Variants in RNGTT observed in about 807,000 individuals in gnomAD.
RNGTT encodes mRNA-capping enzyme.
In RNGTT, 33 loss-of-function variants were observed where a neutral mutation model predicts 79.3. The observed-to-expected ratio is 0.42, with a 90% confidence interval of 0.32 to 0.56. The LOEUF (loss-of-function observed/expected upper bound fraction) is 0.56. RNGTT is among the 20% of genes least tolerant of loss of function. The pLI is 0.17. For synonymous variants in RNGTT, 222 were observed against 235.9 expected (o/e 0.94, Z 0.54); for missense variants, 497 against 739.1 (o/e 0.67, Z 3.80).
intron 10 of RNGTT, among the ~76,000 whole-genome samples, chr6:88,848,425 T>A (rs1210034507): frequency 6.6e-6 from 1 of 150,598 alleles, no homozygotes; most frequent in Non-Finnish European, 1.5e-5. Flanking sequence ...AATTGTTCAA[T>A]ATAGTAGTAA....
intron 2 of RNGTT, among the ~76,000 whole-genome samples, chr6:88,929,941 T>C (rs1010030610): frequency 3.3e-5 from 5 of 149,848 alleles, no homozygotes; most frequent in Non-Finnish European, 7.4e-5. Context: ...TGTATACATA[T>C]GCATATACAC....
chr6:88,661,750 A>G (rs535096788), intron 14 of RNGTT, among the ~76,000 whole-genome samples: 2 of 152,190 alleles, frequency 1.3e-5, no homozygotes, highest in South Asian at 2.1e-4. Flanking sequence ...ATATTCAAAG[A>G]GTTGGTACCA....
intron 13 of RNGTT, among the ~76,000 whole-genome samples, chr6:88,725,614 G>A (rs569607852): frequency 2.0e-5 from 3 of 152,124 alleles, no homozygotes; most frequent in Non-Finnish European, 4.4e-5. Flanking sequence ...AAATCCCCAT[G>A]GGGGGCGGGG....
intron 11 of RNGTT, among the ~76,000 whole-genome samples, chr6:88,832,680 T>C (rs1390755119): frequency 6.6e-6 from 1 of 152,062 alleles, no homozygotes; most frequent in South Asian, 2.1e-4. Context: ...TTACAATCTA[T>C]CCGTCTGACA....
chr6:88,857,515 CATA>C (rs1045297003), intron 8 of RNGTT, among the ~76,000 whole-genome samples: 1 of 152,118 alleles, frequency 6.6e-6, no homozygotes, highest in Non-Finnish European at 1.5e-5. Flanking sequence ...CAAAGTTCAT[CATA>C]ATATTTTATA....
chr6:88,640,863 G>A (rs1773288814), intron 14 of RNGTT, among the ~76,000 whole-genome samples: 1 of 152,098 alleles, frequency 6.6e-6, no homozygotes, highest in African/African-American at 2.4e-5. Flanking sequence ...ATTTGGATAA[G>A]GTCCCTATTA....
At chr6:88,843,840 G>A (rs1781394287) in intron 11 of RNGTT, among the ~76,000 whole-genome samples, 1 of 150,844 alleles carries the variant, frequency 6.6e-6, no homozygotes, top group Non-Finnish European at 1.5e-5. Context: ...ACAGGCATGA[G>A]CCACCGAGCC....
At position 88,647,715 on chromosome 6, in the gene RNGTT, A is replaced by AAAAAAAAAAAAAAAAGAAG. The variant is rs531898293; in HGVS notation, c.1506+30637_1506+30638insCTTCTTTTTTTTTTTTTTT. Among the ~76,000 whole-genome samples, 1,116 of 142,102 alleles carry AAAAAAAAAAAAAAAAGAAG rather than the reference A, an allele frequency of 7.9e-3. 41 individuals carry two copies. The highest frequency in any genetic ancestry group is 0.031 in the African/African-American group (1,031 of 32,772). The allele number at this position is 142,102 out of a possible 152,430, so 93.2% of individuals were successfully genotyped here. ...CGACACCCTGTTAAAAAAAAAAAAA[A>AAAAAAAAAAAAAAAAGAAG]AAGAAGAAGAAGAAAAGAAGGAAGG... is the stretch of plus-strand genomic sequence containing the variant. On this transcript the variant is annotated intron_variant, in intron 14 of 15. Transcript: ENST00000369485.
At position 88,817,110 on chromosome 6, in the gene RNGTT, G is replaced by C. The variant is rs931695245; in HGVS notation, c.1270-15478C>G. On this transcript the variant is annotated intron_variant, in intron 11 of 15. Transcript: ENST00000369485. ...CAACGGTGGCACCTTGTACACTCTAGAGCAAAAACCACTCTGGTCTAGCGT... is the reference window on the plus strand; with the variant it reads ...CAACGGTGGCACCTTGTACACTCTACAGCAAAAACCACTCTGGTCTAGCGT... 3.9e-5 allele frequency among the ~76,000 whole-genome samples: 6 copies of C among 152,074 alleles called. 1 individual carries two copies. The highest frequency in any genetic ancestry group is 1.4e-4 in the African/African-American group (6 of 41,404).
rs1427844151 is a variant in RNGTT, at chr6:88,698,244, A to G, written c.1440-19825T>C. Among the ~76,000 whole-genome samples the G allele has an allele frequency of 5.5e-5, 6 of 109,600 alleles. No homozygotes were observed. In the Admixed American group the frequency reaches 5.5e-4, roughly 10 times the overall value. The allele number at this position is 109,600 out of a possible 152,430, so 71.9% of individuals were successfully genotyped here. On this transcript the variant is annotated intron_variant, in intron 13 of 15. Transcript: ENST00000369485. ...TATCATATATATATGAAATATATAT[A>G]TGAAATATATATATAAATATATATG... is the stretch of plus-strand genomic sequence containing the variant.
At chr6:88,672,206 T>C (rs1055881250) in intron 14 of RNGTT, among the ~76,000 whole-genome samples, 2 of 134,350 alleles carry the variant, frequency 1.5e-5, no homozygotes, top group African/African-American at 5.2e-5. Flanking sequence ...TATATACATA[T>C]ATATATATAT....
intron 8 of RNGTT, among the ~76,000 whole-genome samples, chr6:88,885,803 G>C (rs1396565506): frequency 6.6e-6 from 1 of 152,090 alleles, no homozygotes; most frequent in Non-Finnish European, 1.5e-5. Context: ...TAAATCAAGA[G>C]ATCAAAGTTA....
intron 13 of RNGTT, among the ~76,000 whole-genome samples, chr6:88,744,133 T>C (rs576978139): frequency 6.6e-6 from 1 of 152,334 alleles, no homozygotes; most frequent in African/African-American, 2.4e-5. Context: ...CTTTCATGAG[T>C]TCATCATCTC....
intron 7 of RNGTT, among the ~76,000 whole-genome samples, 184 bp from the exon 8 acceptor site, chr6:88,890,780 T>C (rs563790829): frequency 1.3e-5 from 2 of 152,324 alleles, no homozygotes; most frequent in South Asian, 4.1e-4. Flanking sequence ...TTCTTGACAT[T>C]TTAGAATGCA....
chr6:88,732,039 A>T (rs981112745), intron 13 of RNGTT, among the ~76,000 whole-genome samples: 2 of 152,146 alleles, frequency 1.3e-5, no homozygotes, highest in Admixed American at 6.6e-5. Context: ...CATGTCAAGT[A>T]GGCTGAGGAG....
rs1582238727 is a variant in RNGTT at position 88,617,592 on chromosome 6, T to G, written c.1507-3197A>C. ...AAGTATGCCATCTAAATTAGATGCT[T>G]TGAAGTATGTTTTGAAATCAGGAAG... On this transcript the variant is annotated intron_variant, in intron 14 of 15. Coordinates refer to ENST00000369485, the MANE Select transcript of RNGTT (RefSeq NM_003800.5). Among the ~76,000 whole-genome samples, 6 of 152,346 alleles carry G rather than the reference T, an allele frequency of 3.9e-5. No individual in the cohort carries two copies. The South Asian group carries it at 1.2e-3, about 32-fold the overall frequency.
chr6:88,755,187 T>C (rs1777969233), intron 13 of RNGTT, among the ~76,000 whole-genome samples: 1 of 152,076 alleles, frequency 6.6e-6, no homozygotes, highest in Admixed American at 6.6e-5. Flanking sequence ...CGTTAGCAGT[T>C]AGGCAAAAAA....
chr6:88,756,692 T>C (rs377312183), intron 13 of RNGTT, among the ~76,000 whole-genome samples: 2 of 152,188 alleles, frequency 1.3e-5, no homozygotes, highest in African/African-American at 4.8e-5. Flanking sequence ...ATGACTATAT[T>C]GACTACATAC....
chr6:88,772,045 GGC>G (rs1330144316), intron 12 of RNGTT, among the ~76,000 whole-genome samples: 1 of 151,932 alleles, frequency 6.6e-6, no homozygotes, highest in East Asian at 1.9e-4. Context: ...CAAATATAGT[GGC>G]ACATGCCTGT....
Sources: gnomAD v4.1 joint callset for allele counts (sites outside exome capture counted in the v4.1 genomes callset) on GRCh38, gnomAD v4.1.1 for gene constraint, MANE v1.5 for transcripts, NCBI Gene and HGNC (gene_info 2026-07-23, HGNC 2026-07-21) for gene names.